Variants in CCDC97 observed in about 807,000 individuals in gnomAD.
The protein encoded by CCDC97 is coiled-coil domain-containing protein 97.
In CCDC97, 27 loss-of-function variants were observed where a neutral mutation model predicts 33.9. The ratio of observed to expected loss-of-function variants is 0.80; its 90% CI spans 0.59 to 1.10. The LOEUF is 1.10. CCDC97 is among the 50% of genes least tolerant of loss of function. CCDC97 has a pLI of 0.00. For synonymous variants in CCDC97, 217 were observed against 194.0 expected, an observed-to-expected ratio of 1.12 and a Z score of -0.99; for missense variants, 422 against 476.6, an observed-to-expected ratio of 0.89 and a Z score of 1.07.
Position 41,310,197 on chromosome 19 carries a change from G to C in CCDC97, c.-114G>C. ...AGGCCCGGAACTTCGGTGCCTGGGC[G>C]CAGCGGTGCACCCGGACCCGGAACA... On this transcript the variant is annotated 5_prime_UTR_variant, in exon 1 of 5. Transcript: ENST00000269967. 3.5e-6 allele frequency: 5 copies of C among 1,438,716 alleles called. No individual in the cohort carries two copies. Among genetic ancestry groups the C allele is most frequent in the Non-Finnish European group, 4.8e-6 (5 of 1,050,718 alleles). 89.1% of individuals were successfully genotyped at this position (1,438,716 alleles called of 1,614,324 possible). A position where few individuals can be genotyped will look rare whatever the true frequency, so the allele number is the denominator to read the frequency against.
intron 4 of CCDC97, among the ~76,000 whole-genome samples, chr19:41,322,292 C>T (rs1400386283): frequency 2.0e-5 from 3 of 152,174 alleles, no homozygotes; most frequent in African/African-American, 7.2e-5. Context: ...GACAGGGTCT[C>T]CCTTTGTTGC....
chr19:41,316,858 C>T lies in CCDC97; in HGVS notation c.502+19C>T, dbSNP rs148247040. Reference sequence around the variant, plus strand: ...ATCCAAGGTGTGGGGGCCAGATGGGCGACAGTGGGCACATATGGGGAGGGA... The same window carrying T: ...ATCCAAGGTGTGGGGGCCAGATGGGTGACAGTGGGCACATATGGGGAGGGA... On this transcript the variant is annotated intron_variant, in intron 2 of 4. Transcript: ENST00000269967. 575 of 1,552,048 alleles carry T rather than the reference C, an allele frequency of 3.7e-4. 3 individuals are homozygous for T. The African/African-American group carries it at 6.3e-3, about 17-fold the overall frequency.
intron 1 of CCDC97, among the ~76,000 whole-genome samples, chr19:41,313,670 C>G (rs888076774): frequency 3.9e-5 from 6 of 152,172 alleles, no homozygotes; most frequent in African/African-American, 1.4e-4. Flanking sequence ...ACAAGTCTCA[C>G]CAAGGTTTGC....
intron 1 of CCDC97, among the ~76,000 whole-genome samples, chr19:41,313,896 C>T (rs2037714656): frequency 6.6e-6 from 1 of 152,170 alleles, no homozygotes; most frequent in Non-Finnish European, 1.5e-5. Context: ...GAGAGGGTTT[C>T]ACCATGTTGG....
rs2037851948 is a variant in CCDC97, at chr19:41,323,752, G to GCGTCCCTGCCCCCAGCTGGC, written c.*1040_*1059dup. ...GTCATCCCACACACAGCCTGCCCCA[G>GCGTCCCTGCCCCCAGCTGGC]CGTCCCTGCCCCCAGCTGGCCGCAG... On this transcript the variant is annotated 3_prime_UTR_variant, in exon 5 of 5. Coordinates refer to ENST00000269967, the MANE Select transcript of CCDC97 (RefSeq NM_052848.3). The GCGTCCCTGCCCCCAGCTGGC allele has an allele frequency of 6.5e-6, 1 of 154,486 alleles. No homozygotes were observed. The highest frequency in any genetic ancestry group is 2.1e-4 in the South Asian group (1 of 4,856). The allele number at this position is 154,486 out of a possible 1,614,324, so 9.6% of individuals were successfully genotyped here.
chr19:41,321,179 C>T (rs986627802), intron 4 of CCDC97, among the ~76,000 whole-genome samples: 7 of 152,350 alleles, frequency 4.6e-5, no homozygotes, highest in Admixed American at 2.0e-4. Flanking sequence ...TGTGATTGCC[C>T]CTGCCGTGGG....
chr19:41,316,556 C>A lies in CCDC97; in HGVS notation c.219C>A (p.Ser73Arg). The change falls in exon 2 of 5, where the codon AGC (serine) becomes AGA (arginine). Residue 73 changes from serine to arginine, a missense_variant. Physicochemically the swap from Ser to Arg is moderately radical, Grantham distance 110. Coordinates refer to ENST00000269967, the MANE Select transcript of CCDC97 (RefSeq NM_052848.3). Reference protein sequence around the residue: ...VSAMLHAVAASRLPVCSQQQG... With the variant: ...VSAMLHAVAARRLPVCSQQQG... The stretch of plus-strand genomic sequence containing the variant: ...CTATGCTGCACGCTGTAGCCGCCAG[C>A]CGCCTGCCTGTTTGCAGCCAGCAGC... 1 of 1,614,248 alleles carries A rather than the reference C, an allele frequency of 6.2e-7. No homozygotes were observed. The highest frequency in any genetic ancestry group is 8.5e-7 in the Non-Finnish European group (1 of 1,180,036).
intron 3 of CCDC97, among the ~76,000 whole-genome samples, chr19:41,320,129 G>C (rs2037804713): frequency 6.6e-6 from 1 of 152,116 alleles, no homozygotes; most frequent in Non-Finnish European, 1.5e-5. Context: ...CTCAGATCCT[G>C]ACCCGAGGAT....
chr19:41,313,113 G>A (rs1345373693), intron 1 of CCDC97, among the ~76,000 whole-genome samples: 4 of 151,970 alleles, frequency 2.6e-5, no homozygotes, highest in Admixed American at 1.3e-4. Context: ...CAGGGATTAC[G>A]ATGTAGCTAT....
chr19:41,313,972 T>G (rs1228409907), intron 1 of CCDC97, among the ~76,000 whole-genome samples: 1 of 152,098 alleles, frequency 6.6e-6, no homozygotes, highest in East Asian at 1.9e-4. Context: ...AGTGCTGGAT[T>G]ACAGGCATGA....
rs143406402 is a variant in CCDC97 at position 41,321,135 on chromosome 19, C to T, written c.911+665C>T. Among the ~76,000 whole-genome samples, 13 of 152,364 alleles carry T rather than the reference C, an allele frequency of 8.5e-5. No homozygotes were observed. In the East Asian group the frequency reaches 1.4e-3, roughly 16 times the overall value. On this transcript the variant is annotated intron_variant, in intron 4 of 4. Transcript: ENST00000269967. ...ACCACACATAAGCGGACCCTACGTC[C>T]GTCCTGAGGTGGGCTCATCAGGAAA...
intron 2 of CCDC97, among the ~76,000 whole-genome samples, chr19:41,317,147 C>G (rs114600067): frequency 5.5e-4 from 84 of 152,200 alleles, no homozygotes; most frequent in African/African-American, 2.0e-3. Context: ...TTGGTCATAC[C>G]TAAGGAACAA....
chr19:41,310,423 C>T, intron 1 of CCDC97, 67 bp downstream of exon 1: 1 of 1,552,090 alleles, frequency 6.4e-7, no homozygotes, highest in Non-Finnish European at 8.7e-7. Flanking sequence ...AATGATTCCC[C>T]CAGGAACGCG....
rs150532300 is a variant in CCDC97, at chr19:41,312,836, A to C, written c.46+2480A>C. 2.9e-3 allele frequency among the ~76,000 whole-genome samples: 436 copies of C among 152,056 alleles called. 5 individuals are homozygous for C. Among genetic ancestry groups the C allele is most frequent in the African/African-American group, 0.01 (421 of 41,464 alleles). On this transcript the variant is annotated intron_variant, in intron 1 of 4. Transcript: ENST00000269967. ...AGTCTCGCTCTGTTGACCAGGCTGG[A>C]GTACGTGATCTCGGTTCACTGCAAC...
intron 2 of CCDC97, among the ~76,000 whole-genome samples, chr19:41,319,020 G>A (rs1196800087): frequency 6.6e-6 from 1 of 152,194 alleles, no homozygotes; most frequent in Non-Finnish European, 1.5e-5. Context: ...CAGACAGACA[G>A]GTGTCTGTGG....
In CCDC97 at chr19:41,323,627, G is replaced by T. The variant is rs879175263; in HGVS notation, c.*912G>T. ...GACTCTACCCTTCTCAGCCCCACCAGCCCCCCTCTGCCCAACCACAATTTT... is the reference window on the plus strand; with the variant it reads ...GACTCTACCCTTCTCAGCCCCACCATCCCCCCTCTGCCCAACCACAATTTT... On this transcript the variant is annotated 3_prime_UTR_variant, in exon 5 of 5. Transcript: ENST00000269967. 1 of 153,954 alleles carries T rather than the reference G, an allele frequency of 6.5e-6. No homozygotes were observed. The highest frequency in any genetic ancestry group is 1.5e-5 in the Non-Finnish European group (1 of 68,942). 9.5% of individuals were successfully genotyped at this position (153,954 alleles called of 1,614,324 possible).
chr19:41,320,781 C>T (rs910306676), intron 4 of CCDC97: 25 of 288,482 alleles, frequency 8.7e-5, no homozygotes, highest in African/African-American at 5.0e-4. Flanking sequence ...CCCAAGCCCC[C>T]CAAGTCTCCC....
chr19:41,310,645 C>T, intron 1 of CCDC97: 1 of 985,298 alleles, frequency 1.0e-6, no homozygotes, highest in Non-Finnish European at 1.2e-6. Flanking sequence ...TTAACAGAAA[C>T]CTCTCTACCC....
At chr19:41,320,279 T>C in intron 3 of CCDC97, 62 bp from the exon 4 acceptor site, 2 of 1,603,152 alleles carry the variant, frequency 1.2e-6, no homozygotes, top group Non-Finnish European at 1.7e-6. Context: ...CTCTGTGGAC[T>C]CTGTGCTCAG....
Sources: allele counts gnomAD v4.1 joint callset (sites outside exome capture counted in the v4.1 genomes callset), GRCh38; gene constraint gnomAD v4.1.1; transcripts MANE v1.5; gene names NCBI Gene and HGNC (gene_info 2026-07-23, HGNC 2026-07-21).